Variants in TBC1D12 observed in about 807,000 individuals in gnomAD.
The protein encoded by TBC1D12 is TBC1 domain family member 12.
Under a neutral mutation model 86.7 loss-of-function variants are expected in TBC1D12, and 56 were observed. The ratio of observed to expected loss-of-function variants is 0.65; its 90% CI spans 0.52 to 0.81. The LOEUF is 0.81. Ranked by LOEUF, TBC1D12 falls within the 30% of genes least tolerant of loss-of-function variation. TBC1D12 has a pLI of 0.00. For synonymous variants in TBC1D12, 421 were observed against 411.7 expected (o/e 1.02, Z -0.27); for missense variants, 1,023 against 1,038.8 (o/e 0.98, Z 0.21).
chr10:94,461,859 T>C (rs2055734650), intron 2 of TBC1D12, among the ~76,000 whole-genome samples: 1 of 152,190 alleles, frequency 6.6e-6, no homozygotes, highest in Non-Finnish European at 1.5e-5. Flanking sequence ...TAATTATTAA[T>C]TTTTCAGTTT....
intron 9 of TBC1D12, among the ~76,000 whole-genome samples, chr10:94,514,135 G>A (rs2056559734): frequency 1.3e-5 from 2 of 151,942 alleles, no homozygotes; most frequent in South Asian, 4.2e-4. Context: ...CAGCATTTGG[G>A]AGGCCAAGGT....
chr10:94,478,227 A>T (rs891832652), intron 3 of TBC1D12, among the ~76,000 whole-genome samples: 1 of 152,076 alleles, frequency 6.6e-6, no homozygotes, highest in Non-Finnish European at 1.5e-5. Flanking sequence ...GTGCCACTGC[A>T]CTCCAGCCTG....
intron 11 of TBC1D12, among the ~76,000 whole-genome samples, chr10:94,525,479 C>G (rs1842263774): frequency 6.6e-6 from 1 of 151,796 alleles, no homozygotes; most frequent in Admixed American, 6.6e-5. Flanking sequence ...TGGCCTGTGC[C>G]TGTAGTCCCA....
At chr10:94,453,178 T>C (rs1462157763) in intron 2 of TBC1D12, among the ~76,000 whole-genome samples, 1 of 152,190 alleles carries the variant, frequency 6.6e-6, no homozygotes, top group Admixed American at 6.5e-5. Flanking sequence ...ATAACAGTCC[T>C]TTGTCAGGCA....
chr10:94,421,485 A>G (rs183109813), intron 1 of TBC1D12, among the ~76,000 whole-genome samples: 1 of 152,342 alleles, frequency 6.6e-6, no homozygotes, highest in African/African-American at 2.4e-5. Context: ...GCATTTGAAC[A>G]TGAGAGTGTA....
rs551163915 is a variant in TBC1D12, at chr10:94,474,850, A to G, written c.1211+67A>G. 2.2e-6 allele frequency: 3 copies of G among 1,363,100 alleles called. No individual in the cohort carries two copies. In the South Asian group the frequency reaches 3.8e-5, roughly 17 times the overall value. The allele number at this position is 1,363,100 out of a possible 1,614,324, so 84.4% of individuals were successfully genotyped here. ...AAAGTTAAATTTAATTTTGTTCACT[A>G]TTTTAAAAGATAGCGAGAAAGATAT... On this transcript the variant is annotated intron_variant, in intron 3 of 12. Coordinates refer to ENST00000225235, the MANE Select transcript of TBC1D12 (RefSeq NM_015188.2).
At chr10:94,526,035 C>T (rs1842279373) in intron 11 of TBC1D12, among the ~76,000 whole-genome samples, 1 of 152,162 alleles carries the variant, frequency 6.6e-6, no homozygotes, top group South Asian at 2.1e-4. Flanking sequence ...ACTTATTCCT[C>T]CTATGTGGCT....
Position 94,531,291 on chromosome 10 carries a change from T to C in TBC1D12, c.2090T>C (p.Phe697Ser). 6.2e-7 allele frequency: 1 copy of C among 1,614,134 alleles called. No individual in the cohort carries two copies. Among genetic ancestry groups the C allele is most frequent in the Non-Finnish European group, 8.5e-7 (1 of 1,180,018 alleles). The stretch of plus-strand genomic sequence containing the variant: ...TGCAGAGATGGGGAAGAATTTTTAT[T>C]TAGGACTGGATTAGGAATCCTCCGA... ...VFCRDGEEFL[F>S]RTGLGILRLY... The change falls in exon 12 of 13, where the codon TTT becomes TCT. Residue 697 changes from phenylalanine to serine, a missense_variant. Phe to Ser is a radical substitution (Grantham distance 155). Coordinates refer to ENST00000225235, the MANE Select transcript of TBC1D12 (RefSeq NM_015188.2).
At chr10:94,524,537 G>A (rs998987974) in intron 11 of TBC1D12, among the ~76,000 whole-genome samples, 1 of 151,874 alleles carries the variant, frequency 6.6e-6, no homozygotes, top group Non-Finnish European at 1.5e-5. Context: ...TCAGGAGATC[G>A]AGACCATCCT....
chr10:94,522,523 A>G, intron 11 of TBC1D12, 70 bp downstream of exon 11: 1 of 674,808 alleles, frequency 1.5e-6, no homozygotes, highest in Non-Finnish European at 2.4e-6. Context: ...GTGTTTTAGG[A>G]ACTAGAGTAA....
intron 6 of TBC1D12, among the ~76,000 whole-genome samples, chr10:94,504,884 A>G (rs2056441531): frequency 6.6e-6 from 1 of 152,222 alleles, no homozygotes; most frequent in Admixed American, 6.5e-5. Context: ...TCAAGTCCAA[A>G]GTATCATCTT....
intron 7 of TBC1D12, 53 bp downstream of exon 7, chr10:94,507,400 G>A: frequency 3.5e-6 from 5 of 1,433,848 alleles, no homozygotes; most frequent in Non-Finnish European, 4.8e-6. Context: ...CAGATACTGA[G>A]CATGTATCAG....
intron 2 of TBC1D12, among the ~76,000 whole-genome samples, chr10:94,451,031 T>TG (rs2055542271): frequency 6.6e-6 from 1 of 151,776 alleles, no homozygotes; most frequent in South Asian, 2.1e-4. Context: ...AGGAGGAAGG[T>TG]GGTGGTGGGG....
At chr10:94,491,236 G>A (rs1383016168) in intron 3 of TBC1D12, among the ~76,000 whole-genome samples, 2 of 152,096 alleles carry the variant, frequency 1.3e-5, no homozygotes, top group African/African-American at 4.8e-5. Flanking sequence ...ATGGCCTGAA[G>A]CAGAGGTCTT....
chr10:94,446,474 G>A (rs902746835), intron 2 of TBC1D12, among the ~76,000 whole-genome samples: 1 of 152,186 alleles, frequency 6.6e-6, no homozygotes, highest in Non-Finnish European at 1.5e-5. Flanking sequence ...TAGGAGATTA[G>A]AGTAGTAGTA....
At chr10:94,451,295 T>C (rs1414802432) in intron 2 of TBC1D12, among the ~76,000 whole-genome samples, 10 of 152,074 alleles carry the variant, frequency 6.6e-5, no homozygotes, top group African/African-American at 2.2e-4. Flanking sequence ...ATCCCATAAG[T>C]ATGTAAAATT....
intron 7 of TBC1D12, chr10:94,509,845 C>T (rs979684675): frequency 1.2e-5 from 5 of 408,208 alleles, no homozygotes; most frequent in African/African-American, 2.1e-5. Context: ...GATGGTCTGC[C>T]CATATCTTCT....
rs148178907 is a variant in TBC1D12, at chr10:94,409,173, G to A, written c.971+5589G>A. 3.0e-3 allele frequency among the ~76,000 whole-genome samples: 453 copies of A among 152,028 alleles called. 3 individuals carry two copies. Among genetic ancestry groups the A allele is most frequent in the African/African-American group, 0.01 (427 of 41,470 alleles). On this transcript the variant is annotated intron_variant, in intron 1 of 12. Transcript: ENST00000225235. ...ACCCCCCAAAAAACAACACTCTAGG[G>A]ACCTACACTAAAGCACCGGAAATCC... is the stretch of plus-strand genomic sequence containing the variant.
At chr10:94,503,603 ATTATT>A (rs2056425730) in intron 6 of TBC1D12, among the ~76,000 whole-genome samples, 1 of 152,172 alleles carries the variant, frequency 6.6e-6, no homozygotes, top group Non-Finnish European at 1.5e-5. Context: ...TAATAAACAT[ATTATT>A]TTATTTATTT....
Sources: allele counts gnomAD v4.1 joint callset (sites outside exome capture counted in the v4.1 genomes callset), GRCh38; gene constraint gnomAD v4.1.1; transcripts MANE v1.5; gene names NCBI Gene and HGNC (gene_info 2026-07-23, HGNC 2026-07-21).